AHI1: variants seen among roughly 807,000 people sequenced by gnomAD.
The protein encoded by AHI1 is Abelson helper integration site 1.
In AHI1, 123 loss-of-function variants were observed where a neutral mutation model predicts 149.3. The ratio of observed to expected loss-of-function variants is 0.82; its 90% CI spans 0.71 to 0.96. The LOEUF (loss-of-function observed/expected upper bound fraction) is 0.96, where lower values mean the gene tolerates loss of function less well. Among genes scored for constraint, AHI1 ranks in the 40% least tolerant of loss-of-function variants. The pLI is 0.00. For synonymous variants in AHI1, 475 were observed against 459.8 expected (o/e 1.03, Z -0.42); for missense variants, 1,439 against 1,422.7 (o/e 1.01, Z -0.18).
Position 135,497,738 on chromosome 6 carries a change from T to A in AHI1, c.-357A>T, listed in dbSNP as rs1251525004. 5.5e-6 allele frequency: 1 copy of A among 181,380 alleles called. No homozygotes were observed. Among genetic ancestry groups the A allele is most frequent in the Non-Finnish European group, 1.2e-5 (1 of 82,290 alleles). 11.2% of individuals were successfully genotyped at this position (181,380 alleles called of 1,614,324 possible). On this transcript the variant is annotated 5_prime_UTR_variant, in exon 1 of 29. Transcript: ENST00000265602. ...GTGTCCTGAAAGCAAGCCGCGGCTC[T>A]GTGCCGCAGTGCGGACAGCGCGCCG...
intron 5 of AHI1, among the ~76,000 whole-genome samples, chr6:135,474,152 A>G (rs1237059042): frequency 6.6e-6 from 1 of 152,222 alleles, no homozygotes; most frequent in Non-Finnish European, 1.5e-5. Flanking sequence ...TATTAAATAT[A>G]TTTTCAACTT....
chr6:135,453,531 T>G (rs1788458173), intron 10 of AHI1, 95 bp from the exon 11 acceptor site: 1 of 860,654 alleles, frequency 1.2e-6, no homozygotes, highest in Admixed American at 2.8e-5. Context: ...GTATAGTGCT[T>G]AAAAACATTA....
chr6:135,468,470 G>A (rs1369743598), intron 5 of AHI1, among the ~76,000 whole-genome samples: 3 of 152,022 alleles, frequency 2.0e-5, no homozygotes, highest in African/African-American at 4.8e-5. Context: ...TTGGGAGGCC[G>A]AGGTGGGTGG....
intron 24 of AHI1, among the ~76,000 whole-genome samples, chr6:135,326,285 C>A (rs1056711611): frequency 2.0e-5 from 3 of 152,064 alleles, no homozygotes; most frequent in Non-Finnish European, 1.5e-5. Flanking sequence ...ACAGGACTGG[C>A]ATTTTTATAA....
rs764600553 is a variant in AHI1 at position 135,490,642 on chromosome 6, C to A, written c.116G>T (p.Arg39Met). The change falls in exon 5 of 29, where the codon AGG becomes ATG. Residue 39 changes from arginine to methionine, a missense_variant. By Grantham distance (91) the Arg-to-Met change is moderately conservative (BLOSUM62 -1). Coordinates refer to ENST00000265602, the MANE Select transcript of AHI1 (RefSeq NM_001134831.2). ...ACTTACTGAGATGTTTTCTTCAGAC[C>A]TGACAAGTTTTTTCTTCAGTTTTTT... The part of the protein sequence containing the change: ...EKKKLKKKLV[R>M]SEENISPDTI... 6 of 1,613,546 alleles carry A rather than the reference C, an allele frequency of 3.7e-6. No homozygotes were observed. The Admixed American group carries it at 5.0e-5, about 13-fold the overall frequency.
Position 135,466,013 on chromosome 6 carries a change from C to T in AHI1, c.550G>A (p.Glu184Lys). 1.2e-6 allele frequency: 2 copies of T among 1,613,954 alleles called. No individual in the cohort carries two copies. The highest frequency in any genetic ancestry group is 1.7e-5 in the Admixed American group (1 of 60,002). ...NEGREETDLE[E>K]DEELMQAYQC... ...TATGCTTGCATCAATTCTTCATCCTCTTCTAAATCAGTCTCTTCTCTTCCC... is the reference window on the plus strand; with the variant it reads ...TATGCTTGCATCAATTCTTCATCCTTTTCTAAATCAGTCTCTTCTCTTCCC... Residue 184 changes from glutamate to lysine, a missense_variant, in exon 7 of 29, where the codon GAG (glutamate) becomes AAG (lysine). Coordinates refer to ENST00000265602, the MANE Select transcript of AHI1 (RefSeq NM_001134831.2).
intron 2 of AHI1, 65 bp from the exon 3 acceptor site, chr6:135,495,963 T>C (rs1795904555): frequency 6.6e-6 from 1 of 152,200 alleles, no homozygotes; most frequent in African/African-American, 2.4e-5. Flanking sequence ...AATTACTTTA[T>C]GTCCATTATT....
At chr6:135,468,208 C>CA (rs1240311465) in intron 5 of AHI1, among the ~76,000 whole-genome samples, 1 of 151,658 alleles carries the variant, frequency 6.6e-6, no homozygotes, top group Non-Finnish European at 1.5e-5. Context: ...CCACAGCCTC[C>CA]AAAAAAATTC....
chr6:135,387,551 C>T (rs1002027480), intron 23 of AHI1, among the ~76,000 whole-genome samples: 4 of 152,182 alleles, frequency 2.6e-5, no homozygotes, highest in Admixed American at 6.5e-5. Flanking sequence ...GTGGATTACT[C>T]AAGTTTAAGA....
At chr6:135,295,558 T>A (rs867986908) in intron 27 of AHI1, among the ~76,000 whole-genome samples, 7 of 152,322 alleles carry the variant, frequency 4.6e-5, no homozygotes, top group Middle Eastern at 6.8e-3. Context: ...AACTTGTACA[T>A]AAATGTTGAC....
At chr6:135,461,901 T>A (rs1789950476) in intron 8 of AHI1, among the ~76,000 whole-genome samples, 1 of 151,982 alleles carries the variant, frequency 6.6e-6, no homozygotes, top group Non-Finnish European at 1.5e-5. Flanking sequence ...CTCTGTTAGA[T>A]GTCCAGGTAG....
chr6:135,397,079 G>GT (rs200215501), intron 22 of AHI1, among the ~76,000 whole-genome samples: 1,841 of 151,692 alleles, frequency 0.012, 40 homozygotes, highest in African/African-American at 0.041. Context: ...TCTTGACATA[G>GT]TTTTTTACAG....
chr6:135,350,862 C>T (rs994058876), intron 24 of AHI1, among the ~76,000 whole-genome samples: 2 of 152,002 alleles, frequency 1.3e-5, no homozygotes, highest in African/African-American at 2.4e-5. Context: ...TCATGCAAAG[C>T]CCTATAGGCC....
chr6:135,490,050 A>C, intron 5 of AHI1: 1 of 638,154 alleles, frequency 1.6e-6, no homozygotes, highest in South Asian at 1.9e-5. Context: ...GGATGCCAAT[A>C]CAGACTCTTT....
chr6:135,312,404 C>T (rs1785332009), intron 26 of AHI1, among the ~76,000 whole-genome samples: 1 of 151,998 alleles, frequency 6.6e-6, no homozygotes, highest in South Asian at 2.1e-4. Context: ...ATCTCAGCTA[C>T]TTGGGAGGCT....
chr6:135,447,669 G>C (rs1787455195), intron 12 of AHI1, among the ~76,000 whole-genome samples: 1 of 152,094 alleles, frequency 6.6e-6, no homozygotes, highest in African/African-American at 2.4e-5. Flanking sequence ...CAAGAAACTA[G>C]ACAAAAGCAA....
At chr6:135,473,614 T>G in intron 5 of AHI1, among the ~76,000 whole-genome samples, 1 of 152,184 alleles carries the variant, frequency 6.6e-6, no homozygotes, top group Non-Finnish European at 1.5e-5. Flanking sequence ...GAACGGACAT[T>G]TGACAATGTT....
intron 23 of AHI1, among the ~76,000 whole-genome samples, chr6:135,385,404 G>C (rs1777442205): frequency 6.6e-6 from 1 of 152,150 alleles, no homozygotes; most frequent in Admixed American, 6.5e-5. Context: ...CAAAACAAGA[G>C]AATGTGGTAT....
rs368395825 is a variant in AHI1 at position 135,297,260 on chromosome 6, T to A, written c.3485+3240A>T. Among the ~76,000 whole-genome samples, 18 of 152,202 alleles carry A rather than the reference T, an allele frequency of 1.2e-4. No individual in the cohort carries two copies. In the East Asian group the frequency reaches 3.5e-3, roughly 29 times the overall value. ...ACATTGCATTCTTCTAGAGCCACAA[T>A]CTCTATCCTGTTTTTTTCTCCCACT... is the stretch of plus-strand genomic sequence containing the variant. On this transcript the variant is annotated intron_variant, in intron 27 of 28. Transcript: ENST00000265602.
Sources: gnomAD v4.1 joint callset for allele counts (sites outside exome capture counted in the v4.1 genomes callset) on GRCh38, gnomAD v4.1.1 for gene constraint, MANE v1.5 for transcripts, NCBI Gene and HGNC (gene_info 2026-07-23, HGNC 2026-07-21) for gene names.